CRYBG1: variants seen among roughly 807,000 people sequenced by gnomAD.
CRYBG1 encodes crystallin beta-gamma domain containing 1, also known as beta/gamma crystallin domain-containing protein 1.
In CRYBG1, 139 loss-of-function variants were observed where a neutral mutation model predicts 189.2. The ratio of observed to expected loss-of-function variants is 0.73; its 90% CI spans 0.64 to 0.85. The LOEUF (loss-of-function observed/expected upper bound fraction) is 0.85, where lower values mean the gene tolerates loss of function less well. Ranked by LOEUF, CRYBG1 falls within the 40% of genes least tolerant of loss-of-function variation. CRYBG1 has a pLI of 0.00. For synonymous variants in CRYBG1, 1,023 were observed against 1,017.1 expected, an observed-to-expected ratio of 1.01 and a Z score of -0.11; for missense variants, 2,611 against 2,675.8, an observed-to-expected ratio of 0.98 and a Z score of 0.53.
intron 16 of CRYBG1, among the ~76,000 whole-genome samples, chr6:106,555,548 AGTTT>A (rs1774515795): frequency 6.6e-6 from 1 of 152,200 alleles, no homozygotes; most frequent in Non-Finnish European, 1.5e-5. Flanking sequence ...TGGAGAAAGA[AGTTT>A]GTTTCCCAAA....
intron 8 of CRYBG1, among the ~76,000 whole-genome samples, chr6:106,533,741 A>G (rs564919250): frequency 8.5e-5 from 13 of 152,332 alleles, no homozygotes; most frequent in Non-Finnish European, 1.8e-4. Flanking sequence ...GAGGAGCAGG[A>G]TAGGAGAGAG....
At chr6:106,434,196 AAGAG>A (rs1219754381) in intron 1 of CRYBG1, among the ~76,000 whole-genome samples, 6 of 151,988 alleles carry the variant, frequency 3.9e-5, no homozygotes, top group Non-Finnish European at 5.9e-5. Context: ...GAGAGAAAGA[AAGAG>A]AGAGAAAGGA....
chr6:106,400,627 T>G (rs982957892), intron 1 of CRYBG1, among the ~76,000 whole-genome samples: 19 of 152,172 alleles, frequency 1.2e-4, no homozygotes, highest in African/African-American at 4.1e-4. Flanking sequence ...TAAATCTTCA[T>G]AGTATACAGA....
chr6:106,541,163 C>T (rs182450058), intron 9 of CRYBG1: 10 of 455,192 alleles, frequency 2.2e-5, no homozygotes, highest in Non-Finnish European at 4.5e-5. Flanking sequence ...ATGGTAGAGA[C>T]GGCAACCCCG....
At position 106,360,788 on chromosome 6, in the gene CRYBG1, G is replaced by T; in HGVS notation, c.-121G>T. ...GTCCCCCCGCATCCGCGACGAGGGGGCGGGGTCCCACGGCGCGCTGAGAAA... is the reference window on the plus strand; with the variant it reads ...GTCCCCCCGCATCCGCGACGAGGGGTCGGGGTCCCACGGCGCGCTGAGAAA... On this transcript the variant is annotated 5_prime_UTR_variant, in exon 1 of 22. Coordinates refer to ENST00000633556, the MANE Select transcript of CRYBG1 (RefSeq NM_001371242.2). 1 of 1,203,488 alleles carries T rather than the reference G, an allele frequency of 8.3e-7. No individual in the cohort carries two copies. 74.6% of individuals were successfully genotyped at this position (1,203,488 alleles called of 1,614,324 possible). A position where few individuals can be genotyped will look rare whatever the true frequency, so the allele number is the denominator to read the frequency against.
chr6:106,387,255 C>T (rs1770409251), intron 1 of CRYBG1, among the ~76,000 whole-genome samples: 1 of 151,968 alleles, frequency 6.6e-6, no homozygotes, highest in Admixed American at 6.6e-5. Flanking sequence ...CATAGTAAGA[C>T]TGTCACTGGA....
rs144660835 is a variant in CRYBG1, at chr6:106,467,068, G to T, written c.312+15236G>T. Among the ~76,000 whole-genome samples the T allele has an allele frequency of 9.6e-3, 1,457 of 152,286 alleles. 11 individuals are homozygous for T. The highest frequency in any genetic ancestry group is 0.017 in the Non-Finnish European group (1,152 of 68,026). On this transcript the variant is annotated intron_variant, in intron 2 of 21. Transcript: ENST00000633556. ...GATAGAGGCTGTTGAGTGGGATGAA[G>T]TCAAGAGATTTCATGATAAATTACA... is the stretch of plus-strand genomic sequence containing the variant.
At chr6:106,446,250 C>T (rs1017228391) in intron 1 of CRYBG1, among the ~76,000 whole-genome samples, 2 of 152,154 alleles carry the variant, frequency 1.3e-5, no homozygotes, top group Non-Finnish European at 2.9e-5. Context: ...ACTATTAGTG[C>T]CATTTGTTAG....
intron 1 of CRYBG1, among the ~76,000 whole-genome samples, chr6:106,436,059 C>T (rs9373861): frequency 0.59 from 88,714 of 151,524 alleles, 26,842 homozygotes; most frequent in East Asian, 0.74. Flanking sequence ...GGAGTTTTAC[C>T]TTCTATTACT....
chr6:106,557,408 A>AT (rs11337967), intron 17 of CRYBG1, among the ~76,000 whole-genome samples: 7,033 of 145,016 alleles, frequency 0.048, 170 homozygotes, highest in South Asian at 0.11. Flanking sequence ...ACATGCTTTT[A>AT]TTTTTTTTTT....
chr6:106,558,446 C>CA (rs1562119175), intron 17 of CRYBG1, 40 bp from the exon 18 acceptor site: 1 of 1,464,490 alleles, frequency 6.8e-7, no homozygotes, highest in South Asian at 1.3e-5. Flanking sequence ...GAATTATTAA[C>CA]AAAGATGAAT....
intron 1 of CRYBG1, among the ~76,000 whole-genome samples, chr6:106,413,629 A>G (rs1183297462): frequency 6.6e-6 from 1 of 151,928 alleles, no homozygotes; most frequent in African/African-American, 2.4e-5. Context: ...GTGAGCCTAG[A>G]TTGCACCATT....
intron 1 of CRYBG1, among the ~76,000 whole-genome samples, chr6:106,389,672 A>T (rs935757963): frequency 4.6e-5 from 7 of 152,112 alleles, no homozygotes; most frequent in African/African-American, 1.7e-4. Context: ...CAGAAATATG[A>T]AGTAACTTAT....
Position 106,543,433 on chromosome 6 carries a change from A to G in CRYBG1, c.4882-7A>G, listed in dbSNP as rs746993508. The G allele has an allele frequency of 6.8e-6, 11 of 1,608,040 alleles. No homozygotes were observed. Among genetic ancestry groups the G allele is most frequent in the Admixed American group, 1.7e-5 (1 of 59,836 alleles). Reference sequence around the variant, plus strand: ...CAGATTACTGGTATATCTCATTTCTATTGTAGGTAGTTGTTTATGAAAAGC... The same window carrying G: ...CAGATTACTGGTATATCTCATTTCTGTTGTAGGTAGTTGTTTATGAAAAGC... On this transcript the variant is annotated splice_polypyrimidine_tract_variant and splice_region_variant and intron_variant, in intron 10 of 21. Coordinates refer to ENST00000633556, the MANE Select transcript of CRYBG1 (RefSeq NM_001371242.2).
At chr6:106,531,577 T>A (rs1773876375) in intron 8 of CRYBG1, among the ~76,000 whole-genome samples, 1 of 152,190 alleles carries the variant, frequency 6.6e-6, no homozygotes, top group South Asian at 2.1e-4. Context: ...AGGTAGAGGA[T>A]GGACAAGAAT....
At position 106,463,331 on chromosome 6, in the gene CRYBG1, CCTTCT is replaced by C. The variant is rs1235866648; in HGVS notation, c.312+11507_312+11511del. Reference sequence around the variant, plus strand: ...GAACTCACCTTTGATGCTTGTTTTTCCTTCTCTTCTCTACTTGTAATAGTATACAT... The same window carrying C: ...GAACTCACCTTTGATGCTTGTTTTTCCTTCTCTACTTGTAATAGTATACAT... On this transcript the variant is annotated intron_variant, in intron 2 of 21. Transcript: ENST00000633556. Among the ~76,000 whole-genome samples the C allele has an allele frequency of 4.0e-5, 6 of 151,328 alleles. No individual in the cohort carries two copies. In the East Asian group the frequency reaches 1.2e-3, roughly 29 times the overall value.
At chr6:106,385,769 G>C (rs1196725826) in intron 1 of CRYBG1, among the ~76,000 whole-genome samples, 1 of 152,086 alleles carries the variant, frequency 6.6e-6, no homozygotes, top group Non-Finnish European at 1.5e-5. Flanking sequence ...AGCCCAAAGA[G>C]GAACACATGC....
intron 2 of CRYBG1, among the ~76,000 whole-genome samples, chr6:106,463,634 G>A (rs2114456470): frequency 6.6e-6 from 1 of 152,322 alleles, no homozygotes; most frequent in Admixed American, 6.5e-5. Context: ...GTGACAGTTG[G>A]AGATGGAATA....
intron 1 of CRYBG1, among the ~76,000 whole-genome samples, chr6:106,442,251 G>T (rs1158753156): frequency 6.6e-6 from 1 of 152,192 alleles, no homozygotes; most frequent in Non-Finnish European, 1.5e-5. Flanking sequence ...GATGATTGCG[G>T]CAGTGTAAGT....
Sources: gnomAD v4.1 joint callset for allele counts (sites outside exome capture counted in the v4.1 genomes callset) on GRCh38, gnomAD v4.1.1 for gene constraint, MANE v1.5 for transcripts, NCBI Gene and HGNC (gene_info 2026-07-23, HGNC 2026-07-21) for gene names.